The following BRCC3 variants were observed in gnomAD, a reference collection of about 807,000 sequenced individuals.
The protein encoded by BRCC3 is BRCA1/BRCA2-containing complex subunit 3.
A neutral mutation model predicts 28.0 loss-of-function variants in BRCC3; 15 were observed. That is an observed-to-expected ratio of 0.54 (90% CI 0.36 to 0.82). BRCC3 has a LOEUF of 0.82. Among genes scored for constraint, BRCC3 ranks in the 40% least tolerant of loss-of-function variants. The pLI, the probability that BRCC3 is intolerant of heterozygous loss-of-function variation, is 0.01. For synonymous variants in BRCC3, 66 were observed against 80.3 expected (o/e 0.82, Z 0.95); for missense variants, 109 against 225.9 (o/e 0.48, Z 3.32).
intron 7 of BRCC3, among the ~76,000 whole-genome samples, chrX:155,106,061 A>G (rs1227745871): frequency 3.6e-5 from 4 of 111,744 alleles, no homozygotes; most frequent in Non-Finnish European, 5.7e-5. Context: ...CCAGATAAAA[A>G]CTTTTTGATA....
At chrX:155,111,928 G>C (rs2074324681) in intron 7 of BRCC3, among the ~76,000 whole-genome samples, 1 of 111,364 alleles carries the variant, frequency 9.0e-6, no homozygotes, top group Admixed American at 9.5e-5. Flanking sequence ...AGATAGTACT[G>C]ACCCCTATTA....
intron 7 of BRCC3, among the ~76,000 whole-genome samples, chrX:155,108,144 T>A (rs2074296783): frequency 8.9e-6 from 1 of 111,856 alleles, no homozygotes; most frequent in Non-Finnish European, 1.9e-5. Context: ...TTCCCAAAGG[T>A]AACCATTATC....
At chrX:155,080,285 C>T (rs1459501094) in intron 5 of BRCC3, among the ~76,000 whole-genome samples, 1 of 111,273 alleles carries the variant, frequency 9.0e-6, no homozygotes, top group African/African-American at 3.3e-5. Flanking sequence ...AAATTCCCTA[C>T]GAATTTAAGG....
intron 7 of BRCC3, among the ~76,000 whole-genome samples, chrX:155,097,149 C>T (rs1182313132): frequency 9.0e-6 from 1 of 111,396 alleles, no homozygotes; most frequent in Non-Finnish European, 1.9e-5. Context: ...AAAAAAGAAA[C>T]GGGTGGGACT....
chrX:155,087,479 C>T (rs2074140577), intron 5 of BRCC3, among the ~76,000 whole-genome samples: 1 of 111,939 alleles, frequency 8.9e-6, no homozygotes, highest in Non-Finnish European at 1.9e-5. Flanking sequence ...GTTGAACTGT[C>T]AGACGGCAAC....
At chrX:155,089,579 A>C (rs2074161431) in intron 6 of BRCC3, among the ~76,000 whole-genome samples, 1 of 111,832 alleles carries the variant, frequency 8.9e-6, no homozygotes, top group African/African-American at 3.3e-5. Context: ...CAAAGACCCT[A>C]AGGTGAGTGT....
chrX:155,073,348 T>C, intron 2 of BRCC3, 29 bp from the exon 3 acceptor site: 1 of 732,140 alleles, frequency 1.4e-6, no homozygotes, highest in Non-Finnish European at 1.8e-6. Context: ...CCCCACTTCC[T>C]TTTTTTTTTT....
At position 155,097,105 on chromosome X, in the gene BRCC3, A is replaced by G. The variant is rs1412212876; in HGVS notation, c.548+6266A>G. On this transcript the variant is annotated intron_variant, in intron 7 of 10. Transcript: ENST00000330045. ...TGACATTGGTCTTGGCAAAGATTTT[A>G]TGAATACGACTCCAAAAGCACAGGC... Among the ~76,000 whole-genome samples, 4 of 112,086 alleles carry G rather than the reference A, an allele frequency of 3.6e-5. No individual in the cohort carries two copies. In the Admixed American group the frequency reaches 3.8e-4, roughly 11 times the overall value.
chrX:155,109,696 A>G lies in BRCC3; in HGVS notation c.549-6361A>G, dbSNP rs782628089. On this transcript the variant is annotated intron_variant, in intron 7 of 10. Coordinates refer to ENST00000330045, the MANE Select transcript of BRCC3 (RefSeq NM_001018055.3). Reference sequence around the variant, plus strand: ...AGATTTTATTTCCTTGGGATTTTCTATGTAAACAGTCATGTCTTCCATAAA... The same window carrying G: ...AGATTTTATTTCCTTGGGATTTTCTGTGTAAACAGTCATGTCTTCCATAAA... 6.0e-3 allele frequency among the ~76,000 whole-genome samples: 668 copies of G among 111,718 alleles called. 3 individuals are homozygous for G. Among genetic ancestry groups the G allele is most frequent in the Non-Finnish European group, 9.8e-3 (519 of 52,829 alleles).
intron 5 of BRCC3, among the ~76,000 whole-genome samples, chrX:155,082,556 A>G (rs1260303395): frequency 8.9e-6 from 1 of 112,563 alleles, no homozygotes; most frequent in African/African-American, 3.2e-5. Flanking sequence ...CATTTGCTTT[A>G]TCATATTCTC....
intron 7 of BRCC3, among the ~76,000 whole-genome samples, chrX:155,106,331 T>C (rs781888395): frequency 1.8e-5 from 2 of 112,425 alleles, no homozygotes; most frequent in East Asian, 5.6e-4. Flanking sequence ...TTTCTGTATG[T>C]AAATTTTTAT....
chrX:155,075,555 T>C (rs781914921), intron 3 of BRCC3, among the ~76,000 whole-genome samples: 244 of 111,903 alleles, frequency 2.2e-3, no homozygotes, highest in Middle Eastern at 9.2e-3. Flanking sequence ...TAGATCTGCC[T>C]CACACGTTCT....
chrX:155,107,332 A>T lies in BRCC3; in HGVS notation c.549-8725A>T, dbSNP rs191186839. On this transcript the variant is annotated intron_variant, in intron 7 of 10. Coordinates refer to ENST00000330045, the MANE Select transcript of BRCC3 (RefSeq NM_001018055.3). ...AGTATTTTTATTTATTTTTTTTTTT[A>T]AAAGTTCTTTAATTTTAGCACTCAC... Among the ~76,000 whole-genome samples, 972 of 106,269 alleles carry T rather than the reference A, an allele frequency of 9.1e-3. 10 individuals carry two copies. The highest frequency in any genetic ancestry group is 0.03 in the African/African-American group (824 of 27,725). The allele number at this position is 106,269 out of a possible 115,157, so 92.3% of individuals were successfully genotyped here.
At chrX:155,076,190 A>G (rs782109646) in intron 3 of BRCC3, among the ~76,000 whole-genome samples, 13 of 111,294 alleles carry the variant, frequency 1.2e-4, no homozygotes, top group Non-Finnish European at 2.3e-4. Flanking sequence ...GCAGGCCTGA[A>G]GTCAGGAGTT....
chrX:155,075,220 TTG>T (rs2074022013), intron 3 of BRCC3, among the ~76,000 whole-genome samples: 1 of 112,229 alleles, frequency 8.9e-6, no homozygotes, highest in Admixed American at 9.4e-5. Flanking sequence ...AATCTATAGC[TTG>T]TTTCAAAAGC....
At chrX:155,101,201 T>C in intron 7 of BRCC3, among the ~76,000 whole-genome samples, 1 of 111,713 alleles carries the variant, frequency 9.0e-6, no homozygotes, top group South Asian at 3.8e-4. Context: ...ACCCAGCCTG[T>C]ATGAGGTATT....
chrX:155,105,735 G>A (rs962198036), intron 7 of BRCC3, among the ~76,000 whole-genome samples: 1 of 112,164 alleles, frequency 8.9e-6, no homozygotes, highest in Non-Finnish European at 1.9e-5. Context: ...GTCTCGCCCA[G>A]TTGTCCAGGC....
At chrX:155,109,741 C>G (rs2074308419) in intron 7 of BRCC3, among the ~76,000 whole-genome samples, 1 of 111,698 alleles carries the variant, frequency 9.0e-6, no homozygotes, top group Admixed American at 9.5e-5. Flanking sequence ...TTTAATTTCA[C>G]CCTTTCCAAT....
At chrX:155,071,949 G>A (rs1323521075) in intron 1 of BRCC3, among the ~76,000 whole-genome samples, 2 of 112,145 alleles carry the variant, frequency 1.8e-5, no homozygotes, top group Non-Finnish European at 3.8e-5. Flanking sequence ...AAACTGCAAG[G>A]CAGGTCAGAA....
Sources: gnomAD v4.1 joint callset for allele counts (sites outside exome capture counted in the v4.1 genomes callset) on GRCh38, gnomAD v4.1.1 for gene constraint, MANE v1.5 for transcripts, NCBI Gene and HGNC (gene_info 2026-07-23, HGNC 2026-07-21) for gene names.